The following MCF2L variants were observed in gnomAD, a reference collection of about 807,000 sequenced individuals.
MCF2L encodes MCF.2 cell line derived transforming sequence like, also known as guanine nucleotide exchange factor DBS.
In MCF2L, 97 loss-of-function variants were observed where a neutral mutation model predicts 153.4. The observed-to-expected ratio is 0.63, with a 90% CI of 0.54 to 0.75. The LOEUF is 0.75. Among genes scored for constraint, MCF2L ranks in the 30% least tolerant of loss-of-function variants. The probability of loss-of-function intolerance (pLI) is 0.00; values close to 1 mark genes in which losing one functional copy is unlikely to be tolerated. For missense variants in MCF2L, 1,347 were observed against 1,495.2 expected, an observed-to-expected ratio of 0.90 and a Z score of 1.64; for synonymous variants, 659 against 632.2, an observed-to-expected ratio of 1.04 and a Z score of -0.64.
In MCF2L at chr13:113,079,324, T is replaced by C. The variant is rs748362214; in HGVS notation, c.1808+585T>C. Among the ~76,000 whole-genome samples, 6 of 151,800 alleles carry C rather than the reference T, an allele frequency of 4.0e-5. No homozygotes were observed. In the South Asian group the frequency reaches 8.3e-4, roughly 21 times the overall value. On this transcript the variant is annotated intron_variant, in intron 15 of 29. Transcript: ENST00000535094. The stretch of plus-strand genomic sequence containing the variant: ...GGAATGCAGGTCCCCAGAGCAAAAC[T>C]GGGAAGGAGCCAAACACCCATGAGG...
intron 4 of MCF2L, among the ~76,000 whole-genome samples, chr13:113,051,607 G>GCT (rs200547388): frequency 3.6e-4 from 54 of 149,666 alleles, no homozygotes; most frequent in African/African-American, 1.3e-3. Context: ...GAGCCACTTT[G>GCT]CTCTCTCTAA....
At chr13:112,955,328 C>T (rs1422046276) in intron 2 of MCF2L, among the ~76,000 whole-genome samples, 1 of 152,180 alleles carries the variant, frequency 6.6e-6, no homozygotes, top group African/African-American at 2.4e-5. Flanking sequence ...AGCAGCCCCT[C>T]AGGAAGCTAC....
In MCF2L at chr13:113,053,325, C is replaced by T. The variant is rs550261618; in HGVS notation, c.370-7268C>T. 6.6e-6 allele frequency among the ~76,000 whole-genome samples: 1 copy of T among 152,314 alleles called. No individual in the cohort carries two copies. The highest frequency in any genetic ancestry group is 6.5e-5 in the Admixed American group (1 of 15,302). On this transcript the variant is annotated intron_variant, in intron 4 of 29. Transcript: ENST00000535094. This position sits in a 1 kb window ranked among gnomAD's most constrained non-coding sequence, Gnocchi z 4.4. ...CACCCAGTTGTTGGTTTTTGTTTTG[C>T]TTTCTGTCTTTTGTGAGATTGAGAT... is the stretch of plus-strand genomic sequence containing the variant.
At chr13:113,092,683 A>C (rs1320587285) in intron 26 of MCF2L, among the ~76,000 whole-genome samples, 1 of 152,230 alleles carries the variant, frequency 6.6e-6, no homozygotes, top group Non-Finnish European at 1.5e-5. Context: ...TTCACACAGA[A>C]TCCCCCAGCT....
rs952730589 is a variant in MCF2L, at chr13:113,045,076, G to A, written c.279-195G>A. The A allele has an allele frequency of 1.7e-5, 16 of 961,940 alleles. No individual in the cohort carries two copies. Among genetic ancestry groups the A allele is most frequent in the Middle Eastern group, 2.1e-4 (1 of 4,734 alleles). The allele number at this position is 961,940 out of a possible 1,614,324, so 59.6% of individuals were successfully genotyped here. A position where few individuals can be genotyped will look rare whatever the true frequency, so the allele number is the denominator to read the frequency against. ...ACACACCAAAAGTGCCTGCCCTTCC[G>A]TAGATGAGAGCAGGTTCTGGGACTG... On this transcript the variant is annotated intron_variant, in intron 3 of 29. Coordinates refer to ENST00000535094, the MANE Select transcript of MCF2L (RefSeq NM_001112732.3). The surrounding 1 kb of genome is among the most constrained non-coding windows in gnomAD (Gnocchi z 4.2).
At chr13:113,009,090 T>G (rs997117252) in intron 1 of MCF2L, 3 of 152,266 alleles carry the variant, frequency 2.0e-5, no homozygotes, top group Non-Finnish European at 4.4e-5. Flanking sequence ...GCAAACTGTC[T>G]CACTCCAAAG....
intron 2 of MCF2L, among the ~76,000 whole-genome samples, chr13:113,022,456 A>G (rs2084942284): frequency 7.0e-6 from 1 of 142,250 alleles, no homozygotes; most frequent in Non-Finnish European, 1.5e-5. Context: ...GGTCTCACAC[A>G]CAGGCAGGGT....
intron 2 of MCF2L, among the ~76,000 whole-genome samples, chr13:112,928,403 A>G (rs549895050): frequency 4.9e-4 from 74 of 152,306 alleles, no homozygotes; most frequent in African/African-American, 1.7e-3. Flanking sequence ...AGTCATAATT[A>G]ATTCTCTGCG....
intron 7 of MCF2L, 86 bp downstream of exon 7, chr13:113,065,171 G>C (rs776968870): frequency 6.6e-6 from 10 of 1,522,288 alleles, no homozygotes; most frequent in Non-Finnish European, 9.0e-6. Flanking sequence ...AGCTGCGGGG[G>C]GTCTTTCGTC....
In MCF2L at chr13:113,031,351, T is replaced by G. The variant is rs2085709038; in HGVS notation, c.278+6593T>G. Among the ~76,000 whole-genome samples the G allele has an allele frequency of 6.6e-6, 1 of 151,976 alleles. No homozygotes were observed. On this transcript the variant is annotated intron_variant, in intron 3 of 29. Coordinates refer to ENST00000535094, the MANE Select transcript of MCF2L (RefSeq NM_001112732.3). This position sits in a 1 kb window ranked among gnomAD's most constrained non-coding sequence, Gnocchi z 5.5. ...GGCAGCATCACTGCAGACAAGGAAC[T>G]TAATGTAAACTGGGAAGCATTCGTC... is the stretch of plus-strand genomic sequence containing the variant.
intron 25 of MCF2L, among the ~76,000 whole-genome samples, chr13:113,089,163 TC>T (rs1566878835): frequency 1.1e-5 from 1 of 89,402 alleles, no homozygotes; most frequent in Non-Finnish European, 2.4e-5. Flanking sequence ...AAAGAAACAC[TC>T]CCCCGCCCCC....
chr13:113,058,194 C>T (rs1229759042), intron 4 of MCF2L, among the ~76,000 whole-genome samples: 3 of 117,190 alleles, frequency 2.6e-5, no homozygotes, highest in African/African-American at 1.0e-4. Context: ...ACTATGTGGG[C>T]ATTGAGTTTT....
At position 113,090,030 on chromosome 13, in the gene MCF2L, C is replaced by T. The variant is rs544344557; in HGVS notation, c.2953+302C>T. On this transcript the variant is annotated intron_variant, in intron 26 of 29. Coordinates refer to ENST00000535094, the MANE Select transcript of MCF2L (RefSeq NM_001112732.3). Reference sequence around the variant, plus strand: ...CCGGACCCGCCTCCGCATCGGGTTGCGATGCCCTCTGCATAGTTTCTTTCT... The same window carrying T: ...CCGGACCCGCCTCCGCATCGGGTTGTGATGCCCTCTGCATAGTTTCTTTCT... 6.4e-4 allele frequency: 1,021 copies of T among 1,597,454 alleles called. 6 individuals carry two copies. Among genetic ancestry groups the T allele is most frequent in the South Asian group, 1.3e-3 (121 of 89,822 alleles).
intron 27 of MCF2L, 122 bp from the exon 28 acceptor site, chr13:113,096,249 G>A: frequency 5.5e-6 from 4 of 733,072 alleles, no homozygotes; most frequent in Non-Finnish European, 4.6e-6. Context: ...CCCCGGAGCT[G>A]GTCGTGGCCA....
intron 1 of MCF2L, among the ~76,000 whole-genome samples, chr13:112,977,053 C>T (rs2140875962): frequency 6.6e-6 from 1 of 152,172 alleles, no homozygotes; most frequent in African/African-American, 2.4e-5. Context: ...CACGGCGGCT[C>T]CCACCCGCAT....
At chr13:113,084,257 AG>A (rs981568337) in intron 18 of MCF2L, among the ~76,000 whole-genome samples, 190 bp downstream of exon 18, 4 of 151,128 alleles carry the variant, frequency 2.6e-5, no homozygotes, top group African/African-American at 9.8e-5. Context: ...CCTGAACCCC[AG>A]AAAACCTCCT....
upstream of MCF2L, chr13:112,966,204 A>G (rs2081891664): frequency 1.3e-5 from 2 of 152,222 alleles, no homozygotes; most frequent in African/African-American, 4.8e-5. This position sits in a 1 kb window ranked among gnomAD's most constrained non-coding sequence, Gnocchi z 4.1. Flanking sequence ...ATGTTTATGG[A>G]AAGATGGCAT....
At chr13:113,026,116 T>C (rs112095425) in intron 3 of MCF2L, among the ~76,000 whole-genome samples, 149 of 14,482 alleles carry the variant, frequency 0.01, 5 homozygotes, top group Middle Eastern at 0.029. Flanking sequence ...TGAGGTTTCA[T>C]CATGGTGGGG....
intron 2 of MCF2L, among the ~76,000 whole-genome samples, chr13:112,937,732 A>C (rs918046392): frequency 6.6e-6 from 1 of 151,956 alleles, no homozygotes; most frequent in Admixed American, 6.6e-5. Context: ...TAGCCAAGGT[A>C]GGTGAGCACT....
Sources: allele counts gnomAD v4.1 joint callset (sites outside exome capture counted in the v4.1 genomes callset), GRCh38; gene constraint gnomAD v4.1.1; non-coding constraint Gnocchi (gnomAD v3.1); transcripts MANE v1.5; gene names NCBI Gene and HGNC (gene_info 2026-07-23, HGNC 2026-07-21).